RPA3: variants seen among roughly 807,000 people sequenced by gnomAD.
The protein encoded by RPA3 is replication protein A 14 kDa subunit.
RPA3 carries 24 observed loss-of-function variants against 13.7 expected under a neutral mutation model. That is an observed-to-expected ratio of 1.75 (90% confidence interval 1.27 to 2.46). The LOEUF (loss-of-function observed/expected upper bound fraction) is 2.46, where lower values mean the gene tolerates loss of function less well. Among genes scored for constraint, RPA3 ranks in the 30% most tolerant of loss-of-function variants. The pLI is 0.00. For synonymous variants in RPA3, 59 were observed against 51.2 expected (o/e 1.15, Z -0.65); for missense variants, 183 against 151.0 (o/e 1.21, Z -1.11).
chr7:7,696,643 C>T (rs943238940), intron 2 of RPA3, among the ~76,000 whole-genome samples: 2 of 152,264 alleles, frequency 1.3e-5, no homozygotes, highest in East Asian at 3.9e-4. Context: ...AGCTCTCCCT[C>T]ATACAGAACA....
intron 2 of RPA3, among the ~76,000 whole-genome samples, chr7:7,710,062 C>T (rs907905431): frequency 2.0e-5 from 3 of 152,120 alleles, no homozygotes; most frequent in Non-Finnish European, 4.4e-5. Flanking sequence ...TGTTCTTCAG[C>T]AATTTGCCTC....
At chr7:7,650,700 C>G (rs28916281) in intron 4 of RPA3, among the ~76,000 whole-genome samples, 2 of 152,230 alleles carry the variant, frequency 1.3e-5, no homozygotes, top group African/African-American at 4.8e-5. Context: ...GCCAAACGCA[C>G]CTTGATTTAC....
At chr7:7,711,459 T>C (rs1208183792) in intron 2 of RPA3, among the ~76,000 whole-genome samples, 1 of 152,240 alleles carries the variant, frequency 6.6e-6, no homozygotes, top group Non-Finnish European at 1.5e-5. Context: ...TATTATACTC[T>C]ATCCTTTTTA....
At chr7:7,698,900 A>G (rs376971327) in intron 2 of RPA3, among the ~76,000 whole-genome samples, 1 of 134,976 alleles carries the variant, frequency 7.4e-6, no homozygotes, top group East Asian at 2.1e-4. Flanking sequence ...AGACAGTCTC[A>G]CCCTGTTGCC....
chr7:7,701,797 C>T (rs758687250), intron 2 of RPA3, among the ~76,000 whole-genome samples: 8 of 152,180 alleles, frequency 5.3e-5, no homozygotes, highest in Admixed American at 3.3e-4. Context: ...TCATGACAAG[C>T]CATTTACCCA....
chr7:7,651,562 A>G (rs1262560702), intron 4 of RPA3, among the ~76,000 whole-genome samples: 1 of 152,078 alleles, frequency 6.6e-6, no homozygotes, highest in Non-Finnish European at 1.5e-5. Flanking sequence ...TTCCATCCTC[A>G]TGTTGATCTC....
intron 4 of RPA3, among the ~76,000 whole-genome samples, chr7:7,676,765 A>G (rs953759139): frequency 2.6e-5 from 4 of 152,176 alleles, no homozygotes; most frequent in Non-Finnish European, 4.4e-5. Context: ...GTTGGTATAT[A>G]TGGTTTAATT....
At chr7:7,677,863 C>T (rs1212730627) in intron 4 of RPA3, among the ~76,000 whole-genome samples, 7 of 150,950 alleles carry the variant, frequency 4.6e-5, no homozygotes, top group East Asian at 1.9e-4. Context: ...TTAGTAGAGA[C>T]GGGGTTTCAC....
chr7:7,698,647 G>A (rs993777492), intron 2 of RPA3, among the ~76,000 whole-genome samples: 3 of 151,966 alleles, frequency 2.0e-5, no homozygotes, highest in Non-Finnish European at 2.9e-5. Flanking sequence ...TTGTAATGTG[G>A]GTGCTACAGC....
At chr7:7,688,301 G>C (rs1362860785) in intron 2 of RPA3, among the ~76,000 whole-genome samples, 2 of 152,172 alleles carry the variant, frequency 1.3e-5, no homozygotes, top group African/African-American at 2.4e-5. Context: ...GAGAGTTGTT[G>C]TCAGGTGGGG....
intron 1 of RPA3, among the ~76,000 whole-genome samples, 175 bp downstream of exon 1, chr7:7,718,340 G>T (rs1780969520): frequency 6.6e-6 from 1 of 152,078 alleles, no homozygotes; most frequent in Non-Finnish European, 1.5e-5. Context: ...TGCATAGTGA[G>T]GGCATGGGTT....
intron 2 of RPA3, chr7:7,692,639 C>G (rs1465076461): frequency 6.6e-6 from 1 of 152,196 alleles, no homozygotes; most frequent in Non-Finnish European, 1.5e-5. Context: ...GAGATGGAGT[C>G]TTGCTGTGTT....
chr7:7,709,003 AGAG>A (rs781245137), intron 2 of RPA3, among the ~76,000 whole-genome samples: 23 of 151,964 alleles, frequency 1.5e-4, no homozygotes, highest in Non-Finnish European at 2.8e-4. Context: ...GGAAAAGAGG[AGAG>A]GAGGAGAAGA....
intron 4 of RPA3, among the ~76,000 whole-genome samples, chr7:7,676,524 T>C (rs1156627536): frequency 6.6e-6 from 1 of 152,216 alleles, no homozygotes; most frequent in Non-Finnish European, 1.5e-5. Context: ...TAAGACATTA[T>C]TGACATCCTA....
intron 2 of RPA3, among the ~76,000 whole-genome samples, chr7:7,713,900 A>AGAC (rs1780827243): frequency 6.6e-6 from 1 of 152,160 alleles, no homozygotes; most frequent in South Asian, 2.1e-4. Context: ...GTGTGACCAC[A>AGAC]GACAGCTCAC....
chr7:7,691,431 A>G (rs1193805473), intron 2 of RPA3, among the ~76,000 whole-genome samples: 1 of 152,240 alleles, frequency 6.6e-6, no homozygotes, highest in East Asian at 1.9e-4. Context: ...ATCTAAAATG[A>G]TAGTTTGTAT....
At chr7:7,662,699 G>A (rs1294101161) in intron 4 of RPA3, among the ~76,000 whole-genome samples, 1 of 152,164 alleles carries the variant, frequency 6.6e-6, no homozygotes, top group South Asian at 2.1e-4. Context: ...TGGAAATTCA[G>A]AAATCTCCCG....
At chr7:7,712,886 A>G (rs746917386) in intron 2 of RPA3, among the ~76,000 whole-genome samples, 6 of 152,180 alleles carry the variant, frequency 3.9e-5, no homozygotes, top group Non-Finnish European at 8.8e-5. Context: ...TAGAATTGGT[A>G]TAAGATTTGA....
intron 2 of RPA3, among the ~76,000 whole-genome samples, chr7:7,688,148 A>G (rs28912726): frequency 6.6e-6 from 1 of 152,114 alleles, no homozygotes; most frequent in African/African-American, 2.4e-5. Flanking sequence ...TTTTGGGGGG[A>G]GAACATTCCC....
Sources: allele counts gnomAD v4.1 joint callset (sites outside exome capture counted in the v4.1 genomes callset), GRCh38; gene constraint gnomAD v4.1.1; transcripts MANE v1.5; gene names NCBI Gene and HGNC (gene_info 2026-07-23, HGNC 2026-07-21).